Variants in BNIP3 observed in about 807,000 individuals in gnomAD.
The protein encoded by BNIP3 is BCL2 interacting protein 3.
A neutral mutation model predicts 23.9 loss-of-function variants in BNIP3; 16 were observed. That is an observed-to-expected ratio of 0.67 (90% CI 0.45 to 1.01). BNIP3 has a LOEUF of 1.01. Ranked by LOEUF, BNIP3 falls within the 50% of genes least tolerant of loss-of-function variation. BNIP3 has a pLI of 0.00. For synonymous variants in BNIP3, 81 were observed against 89.3 expected (o/e 0.91, Z 0.53); for missense variants, 198 against 248.7 (o/e 0.80, Z 1.37).
In BNIP3 at chr10:131,973,072, T is replaced by C. The variant is rs1259504024; in HGVS notation, c.244A>G (p.Thr82Ala). The C allele has an allele frequency of 8.1e-6, 13 of 1,613,768 alleles. No individual in the cohort carries two copies. The highest frequency in any genetic ancestry group is 9.3e-6 in the Non-Finnish European group (11 of 1,179,756). The change falls in exon 3 of 6, where the codon ACA becomes GCA. Residue 82 changes from threonine to alanine, a missense_variant. Transcript: ENST00000368636. ...TTCTCTCCAATGCTATGGGTATCTG[T>C]TTCAGAAGCTCTGTTGGTATCTTGT... ...TPQDTNRASE[T>A]DTHSIGEKNS...
chr10:131,972,769 A>C (rs982050933), intron 3 of BNIP3, among the ~76,000 whole-genome samples: 1 of 152,106 alleles, frequency 6.6e-6, no homozygotes, highest in Non-Finnish European at 1.5e-5. Flanking sequence ...TGTATCCCTG[A>C]TGGCAGGCAG....
In BNIP3 at chr10:131,973,774, C is replaced by T. The variant is rs1564835302; in HGVS notation, c.197+19G>A. 1.9e-6 allele frequency: 3 copies of T among 1,611,616 alleles called. No individual in the cohort carries two copies. Among genetic ancestry groups the T allele is most frequent in the Non-Finnish European group, 2.5e-6 (3 of 1,179,606 alleles). On this transcript the variant is annotated intron_variant, in intron 2 of 5. Transcript: ENST00000368636. ...AGACATCGGCACTGTAACACATACA[C>T]TTGTTGATGCGCGCCTACCTGTCAC...
rs1402334317 is a variant in BNIP3, at chr10:131,976,232, T to C, written c.47-2289A>G. 6.6e-6 allele frequency among the ~76,000 whole-genome samples: 1 copy of C among 152,212 alleles called. No individual in the cohort carries two copies. The highest frequency in any genetic ancestry group is 1.5e-5 in the Non-Finnish European group (1 of 68,038). On this transcript the variant is annotated intron_variant, in intron 1 of 5. Transcript: ENST00000368636. This position sits in a 1 kb window ranked among gnomAD's most constrained non-coding sequence, Gnocchi z 4.3. The stretch of plus-strand genomic sequence containing the variant: ...AGTGTTGTTCAGCTATCTGACGATA[T>C]GGAACACAAATGCAACTTGAAGGTG...
Position 131,970,582 on chromosome 10 carries a change from A to C in BNIP3, c.539+56T>G. 1 of 1,587,644 alleles carries C rather than the reference A, an allele frequency of 6.3e-7. No homozygotes were observed. Among genetic ancestry groups the C allele is most frequent in the Non-Finnish European group, 8.6e-7 (1 of 1,165,508 alleles). ...AACAGGTTACGAATAAATCACTGCA[A>C]CCCAGAATCGCCCCACGACATGCCA... On this transcript the variant is annotated intron_variant, in intron 5 of 5. Coordinates refer to ENST00000368636, the MANE Select transcript of BNIP3 (RefSeq NM_004052.4). The surrounding 1 kb of genome is among the most constrained non-coding windows in gnomAD (Gnocchi z 4.1).
rs374429538 is a variant in BNIP3, at chr10:131,971,012, C to G, written c.283-42G>C. The G allele has an allele frequency of 5.1e-6, 8 of 1,579,076 alleles. No individual in the cohort carries two copies. The South Asian group carries it at 8.9e-5, about 18-fold the overall frequency. ...GTTAAAGGCAGATCAGTGTACCACA[C>G]GTGACACGGGAAAGCACCCAGCTCC... On this transcript the variant is annotated intron_variant, in intron 3 of 5. Transcript: ENST00000368636.
Position 131,970,828 on chromosome 10 carries a change from C to T in BNIP3, c.389+36G>A, listed in dbSNP as rs1416116323. 2.5e-6 allele frequency: 4 copies of T among 1,614,230 alleles called. No individual in the cohort carries two copies. The Admixed American group carries it at 5.0e-5, about 20-fold the overall frequency. On this transcript the variant is annotated intron_variant, in intron 4 of 5. Transcript: ENST00000368636. This position sits in a 1 kb window ranked among gnomAD's most constrained non-coding sequence, Gnocchi z 4.1. ...ACGTGTCAGCTGATGTGTCCTCTGT[C>T]AAGGGGTGCCCCCGTGACACTGAGA... is the stretch of plus-strand genomic sequence containing the variant.
In BNIP3 at chr10:131,968,647, C is replaced by G. The variant is rs373726274; in HGVS notation, c.540-78G>C. ...GTGTTACAGCTGAAACAGGGTAGCT[C>G]ACTGTGGTTAGAGCTTATGCAAGGG... is the stretch of plus-strand genomic sequence containing the variant. On this transcript the variant is annotated intron_variant, in intron 5 of 5. Transcript: ENST00000368636. The G allele has an allele frequency of 2.2e-6, 3 of 1,350,836 alleles. No individual in the cohort carries two copies. In the African/African-American group the frequency reaches 4.3e-5, roughly 19 times the overall value. 83.7% of individuals were successfully genotyped at this position (1,350,836 alleles called of 1,614,324 possible). A position where few individuals can be genotyped will look rare whatever the true frequency, so the allele number is the denominator to read the frequency against.
chr10:131,981,597 A>G (rs527791875), intron 1 of BNIP3, among the ~76,000 whole-genome samples, 164 bp downstream of exon 1: 78 of 152,164 alleles, frequency 5.1e-4, no homozygotes, highest in Non-Finnish European at 1.0e-3. Context: ...CGGGCTCCGC[A>G]TGCCCGCAGG....
At chr10:131,973,993 G>A (rs757859779) in intron 1 of BNIP3, 50 bp from the exon 2 acceptor site, 1 of 1,607,636 alleles carries the variant, frequency 6.2e-7, no homozygotes, top group East Asian at 2.2e-5. Context: ...ACCCACTCTG[G>A]AATCTGCTCT....
chr10:131,970,274 A>AGG lies in BNIP3; in HGVS notation c.539+363_539+364insCC. On this transcript the variant is annotated intron_variant, in intron 5 of 5. Coordinates refer to ENST00000368636, the MANE Select transcript of BNIP3 (RefSeq NM_004052.4). The surrounding 1 kb of genome is among the most constrained non-coding windows in gnomAD (Gnocchi z 4.1). ...GTACAGCAGGTAACTGAGACCCTCC[A>AGG]CCTACAGCAGAGCTGGGTGCATTCC... is the stretch of plus-strand genomic sequence containing the variant. The AGG allele has an allele frequency of 3.9e-6, 1 of 255,326 alleles. No individual in the cohort carries two copies. Among genetic ancestry groups the AGG allele is most frequent in the Non-Finnish European group, 7.5e-6 (1 of 134,100 alleles). 15.8% of individuals were successfully genotyped at this position (255,326 alleles called of 1,614,324 possible).
At chr10:131,980,739 C>T (rs1190556740) in intron 1 of BNIP3, 1 of 151,924 alleles carries the variant, frequency 6.6e-6, no homozygotes, top group Admixed American at 6.6e-5. Context: ...GTTTTAAAAA[C>T]TCTCAATGAA....
At position 131,981,922 on chromosome 10, in the gene BNIP3, C is replaced by G. The variant is rs994557184; in HGVS notation, c.-116G>C. On this transcript the variant is annotated 5_prime_UTR_variant, in exon 1 of 6. Transcript: ENST00000368636. ...GCCGCGGCCCAGCTGCGCTCCCGGA[C>G]TGAGCGGAGCCCCGCAGCCCGGCCG... 3 of 1,220,696 alleles carry G rather than the reference C, an allele frequency of 2.5e-6. No homozygotes were observed. The highest frequency in any genetic ancestry group is 3.2e-6 in the Non-Finnish European group (3 of 945,344). 75.6% of individuals were successfully genotyped at this position (1,220,696 alleles called of 1,614,324 possible).
At chr10:131,977,123 T>C (rs1301564559) in intron 1 of BNIP3, among the ~76,000 whole-genome samples, 1 of 151,914 alleles carries the variant, frequency 6.6e-6, no homozygotes, top group Non-Finnish European at 1.5e-5. Flanking sequence ...AAATACAAAA[T>C]TAGCTGGGCG....
intron 1 of BNIP3, 57 bp from the exon 2 acceptor site, chr10:131,974,000 C>A: frequency 6.3e-7 from 1 of 1,599,342 alleles, no homozygotes. Flanking sequence ...CTGGAATCTG[C>A]TCTTGATATC....
rs151091841 is a variant in BNIP3, at chr10:131,976,655, C to A, written c.47-2712G>T. Among the ~76,000 whole-genome samples, 561 of 152,186 alleles carry A rather than the reference C, an allele frequency of 3.7e-3. 6 individuals are homozygous for A. The highest frequency in any genetic ancestry group is 0.013 in the African/African-American group (530 of 41,512). On this transcript the variant is annotated intron_variant, in intron 1 of 5. Transcript: ENST00000368636. This position sits in a 1 kb window ranked among gnomAD's most constrained non-coding sequence, Gnocchi z 4.3. Reference sequence around the variant, plus strand: ...CTCTCTGCAACCAGACTCCCACTTACCCCACATGTCCCAACCCTAACCCCA... The same window carrying A: ...CTCTCTGCAACCAGACTCCCACTTAACCCACATGTCCCAACCCTAACCCCA...
Position 131,973,959 on chromosome 10 carries a change from AAAG to A in BNIP3, c.47-19_47-17del, listed in dbSNP as rs1564835371. ...ACCCAGGAGCCTGATGGGGACAAAAAAAGGGGCGCAGATGGAATTCTCTACCCA... is the reference window on the plus strand; with the variant it reads ...ACCCAGGAGCCTGATGGGGACAAAAAGGGCGCAGATGGAATTCTCTACCCA... On this transcript the variant is annotated splice_polypyrimidine_tract_variant and intron_variant, in intron 1 of 5. Coordinates refer to ENST00000368636, the MANE Select transcript of BNIP3 (RefSeq NM_004052.4). The A allele has an allele frequency of 1.2e-6, 2 of 1,613,470 alleles. No homozygotes were observed. Among genetic ancestry groups the A allele is most frequent in the Admixed American group, 3.3e-5 (2 of 59,998 alleles).
rs1473010258 is a variant in BNIP3, at chr10:131,976,986, G to T, written c.47-3043C>A. On this transcript the variant is annotated intron_variant, in intron 1 of 5. Coordinates refer to ENST00000368636, the MANE Select transcript of BNIP3 (RefSeq NM_004052.4). This position sits in a 1 kb window ranked among gnomAD's most constrained non-coding sequence, Gnocchi z 4.3. ...TACTTTCTTTAATAAACATGCTTAA[G>T]ACACTTATTGGCACAGCGGTTCATG... 6.6e-6 allele frequency among the ~76,000 whole-genome samples: 1 copy of T among 152,118 alleles called. No individual in the cohort carries two copies. Among genetic ancestry groups the T allele is most frequent in the African/African-American group, 2.4e-5 (1 of 41,422 alleles).
Position 131,968,136 on chromosome 10 carries a change from A to G in BNIP3, c.*388T>C, listed in dbSNP as rs2036988368. 6.3e-6 allele frequency: 1 copy of G among 158,876 alleles called. No individual in the cohort carries two copies. Among genetic ancestry groups the G allele is most frequent in the Non-Finnish European group, 1.4e-5 (1 of 71,828 alleles). 9.8% of individuals were successfully genotyped at this position (158,876 alleles called of 1,614,324 possible). A position where few individuals can be genotyped will look rare whatever the true frequency, so the allele number is the denominator to read the frequency against. On this transcript the variant is annotated 3_prime_UTR_variant, in exon 6 of 6. Transcript: ENST00000368636. ...AACCCCTTAAAGTAGCGATTTTATT[A>G]TCAATGTTATTCATTCTTTTGAAAT... is the stretch of plus-strand genomic sequence containing the variant.
chr10:131,980,578 T>TAA (rs1364424165), intron 1 of BNIP3: 12 of 131,670 alleles, frequency 9.1e-5, no homozygotes, highest in African/African-American at 2.5e-4. Context: ...CCCCGTCTCT[T>TAA]AAAAAAAAAA....
Sources: allele counts gnomAD v4.1 joint callset (sites outside exome capture counted in the v4.1 genomes callset), GRCh38; gene constraint gnomAD v4.1.1; non-coding constraint Gnocchi (gnomAD v3.1); transcripts MANE v1.5; gene names NCBI Gene and HGNC (gene_info 2026-07-23, HGNC 2026-07-21).